Variants in CHODL observed in about 807,000 individuals in gnomAD.
CHODL encodes transmembrane protein MT75.
A neutral mutation model predicts 34.5 loss-of-function variants in CHODL; 29 were observed. The observed-to-expected ratio is 0.84, with a 90% CI of 0.63 to 1.15. CHODL has a LOEUF of 1.15. Among genes scored for constraint, CHODL ranks in the 50% most tolerant of loss-of-function variants. CHODL has a pLI of 0.00. For synonymous variants in CHODL, 125 were observed against 116.1 expected, an observed-to-expected ratio of 1.08 and a Z score of -0.49; for missense variants, 332 against 332.5, an observed-to-expected ratio of 1.00 and a Z score of 0.01.
chr21:18,115,216 G>A (rs1332834183), intron 2 of CHODL, among the ~76,000 whole-genome samples: 1 of 152,204 alleles, frequency 6.6e-6, no homozygotes, highest in Non-Finnish European at 1.5e-5. Flanking sequence ...TAAATCAGGA[G>A]CCTATGTGCC....
chr21:18,248,428 C>G (rs892706376), intron 1 of CHODL, among the ~76,000 whole-genome samples: 1 of 150,862 alleles, frequency 6.6e-6, no homozygotes, highest in Non-Finnish European at 1.5e-5. Flanking sequence ...ATGAAAGGAA[C>G]AAATTAATCT....
chr21:18,091,864 G>T (rs1465990313), intron 2 of CHODL, among the ~76,000 whole-genome samples: 1 of 152,160 alleles, frequency 6.6e-6, no homozygotes, highest in Non-Finnish European at 1.5e-5. Context: ...AGGCTCCTCT[G>T]CCTGTGGAAA....
At chr21:18,059,375 C>G (rs935486033) in intron 2 of CHODL, among the ~76,000 whole-genome samples, 2 of 152,150 alleles carry the variant, frequency 1.3e-5, no homozygotes, top group Non-Finnish European at 2.9e-5. Context: ...TTATGGCAGC[C>G]TGAGCAGACC....
intron 2 of CHODL, among the ~76,000 whole-genome samples, chr21:18,101,790 T>C (rs771732283): frequency 6.6e-6 from 1 of 151,866 alleles, no homozygotes; most frequent in African/African-American, 2.4e-5. Flanking sequence ...AGAGCATTAA[T>C]GAAATTACTG....
intron 2 of CHODL, among the ~76,000 whole-genome samples, chr21:18,115,332 T>C (rs1310318176): frequency 6.6e-6 from 1 of 152,218 alleles, no homozygotes; most frequent in Non-Finnish European, 1.5e-5. Flanking sequence ...AGGCTGCTTA[T>C]TTTTGCAATG....
At chr21:18,265,373 C>A (rs1014629668) in intron 5 of CHODL, among the ~76,000 whole-genome samples, 1 of 151,314 alleles carries the variant, frequency 6.6e-6, no homozygotes, top group Non-Finnish European at 1.5e-5. Flanking sequence ...GCATTCACAG[C>A]GACCTGGGTA....
intron 2 of CHODL, among the ~76,000 whole-genome samples, chr21:18,092,207 C>A (rs529970280): frequency 1.3e-5 from 2 of 152,236 alleles, no homozygotes; most frequent in South Asian, 4.2e-4. Flanking sequence ...AAAAAAAAAT[C>A]CCAAAGTCTC....
chr21:18,149,565 C>T (rs2072939306), intron 2 of CHODL, among the ~76,000 whole-genome samples: 1 of 152,228 alleles, frequency 6.6e-6, no homozygotes, highest in East Asian at 1.9e-4. Flanking sequence ...GCTGTTTTAA[C>T]TCTCTGCAGT....
chr21:18,156,813 T>G (rs1201766149), intron 2 of CHODL, among the ~76,000 whole-genome samples: 1 of 152,164 alleles, frequency 6.6e-6, no homozygotes, highest in Admixed American at 6.5e-5. Flanking sequence ...TCTTCTCTGC[T>G]CTACATGTCT....
chr21:18,201,742 G>A (rs911923780), intron 2 of CHODL, among the ~76,000 whole-genome samples: 1 of 150,648 alleles, frequency 6.6e-6, no homozygotes, highest in Non-Finnish European at 1.5e-5. Context: ...TACGTGTTGT[G>A]ACTTATAGAC....
At chr21:18,251,535 T>A (rs369104073) in intron 1 of CHODL, among the ~76,000 whole-genome samples, 1 of 208 alleles carries the variant, frequency 4.8e-3, no homozygotes, top group African/African-American at 0.056. Flanking sequence ...ATTTTATTTA[T>A]TATTTTAATA....
At chr21:18,132,515 A>G (rs996938005) in intron 2 of CHODL, among the ~76,000 whole-genome samples, 14 of 152,180 alleles carry the variant, frequency 9.2e-5, no homozygotes, top group African/African-American at 2.9e-4. Context: ...TTTAACATCT[A>G]TACATCTATA....
intron 2 of CHODL, among the ~76,000 whole-genome samples, chr21:18,194,160 A>G (rs148109617): frequency 2.0e-5 from 3 of 152,284 alleles, no homozygotes; most frequent in South Asian, 2.1e-4. Context: ...TGCCTGTCCA[A>G]TCTTCTCTGT....
At chr21:17,960,711 ATC>A (rs2063525938) in intron 1 of CHODL, among the ~76,000 whole-genome samples, 1 of 152,050 alleles carries the variant, frequency 6.6e-6, no homozygotes. Context: ...ATGGACTATT[ATC>A]TGTTTCCATG....
intron 2 of CHODL, among the ~76,000 whole-genome samples, chr21:18,217,863 A>G (rs1314560966): frequency 6.6e-6 from 1 of 152,190 alleles, no homozygotes; most frequent in Non-Finnish European, 1.5e-5. Context: ...CAGACCCCAT[A>G]TAAGTACAAA....
At chr21:18,070,027 C>CCGTCCCTTCCCT (rs1380432271) in intron 2 of CHODL, among the ~76,000 whole-genome samples, 1 of 68,636 alleles carries the variant, frequency 1.5e-5, no homozygotes, top group Non-Finnish European at 3.2e-5. Flanking sequence ...CCCTTCCCTC[C>CCGTCCCTTCCCT]CCCCCCCCAC....
At chr21:18,116,278 C>A (rs2065411829) in intron 2 of CHODL, among the ~76,000 whole-genome samples, 2 of 152,058 alleles carry the variant, frequency 1.3e-5, no homozygotes, top group African/African-American at 4.8e-5. Context: ...TAAGTCAAGT[C>A]AATATGCCCT....
intron 1 of CHODL, among the ~76,000 whole-genome samples, chr21:17,932,112 A>G (rs2063278212): frequency 6.6e-6 from 1 of 152,208 alleles, no homozygotes; most frequent in Non-Finnish European, 1.5e-5. Context: ...TACAACAACA[A>G]CAATGACAAA....
Position 18,245,048 on chromosome 21 carries a change from A to T in CHODL, c.-176A>T. On this transcript the variant is annotated 5_prime_UTR_variant, in exon 1 of 6. Coordinates refer to ENST00000299295, the MANE Select transcript of CHODL (RefSeq NM_024944.3). ...CATCCACGCGCGGCACAGGCGCGGCAGGCGGCAGGTCCCGGCCGAAGGCGA... is the reference window on the plus strand; with the variant it reads ...CATCCACGCGCGGCACAGGCGCGGCTGGCGGCAGGTCCCGGCCGAAGGCGA... The T allele has an allele frequency of 2.0e-6, 1 of 509,284 alleles. No homozygotes were observed. The highest frequency in any genetic ancestry group is 3.3e-6 in the Non-Finnish European group (1 of 301,154). The allele number at this position is 509,284 out of a possible 1,614,324, so 31.5% of individuals were successfully genotyped here.
Sources: allele counts gnomAD v4.1 joint callset (sites outside exome capture counted in the v4.1 genomes callset), GRCh38; gene constraint gnomAD v4.1.1; transcripts MANE v1.5; gene names NCBI Gene and HGNC (gene_info 2026-07-23, HGNC 2026-07-21).